Variants in SPIRE1 observed in about 807,000 individuals in gnomAD.
SPIRE1 encodes protein spire homolog 1.
A neutral mutation model predicts 94.1 loss-of-function variants in SPIRE1; 40 were observed. The observed-to-expected ratio is 0.43, with a 90% CI of 0.33 to 0.55. SPIRE1 has a LOEUF of 0.55. SPIRE1 is among the 20% of genes least tolerant of loss of function. The probability of loss-of-function intolerance (pLI) is 0.06; values close to 1 mark genes in which losing one functional copy is unlikely to be tolerated. For missense variants in SPIRE1, 838 were observed against 975.2 expected, an observed-to-expected ratio of 0.86 and a Z score of 1.87; for synonymous variants, 376 against 371.7, an observed-to-expected ratio of 1.01 and a Z score of -0.13.
chr18:12,490,075 C>T (rs1003908164), intron 8 of SPIRE1, among the ~76,000 whole-genome samples: 1 of 152,140 alleles, frequency 6.6e-6, no homozygotes, highest in African/African-American at 2.4e-5. Flanking sequence ...ACCAAAATCC[C>T]TTACTTTACA....
chr18:12,658,765 A>G, upstream of SPIRE1: 1 of 363,192 alleles, frequency 2.8e-6, no homozygotes, highest in South Asian at 2.0e-5. Context: ...CTCCACTCCC[A>G]TCTTCAGGGT....
At chr18:12,524,905 GGAGCTAAA>G (rs1432569433) in intron 4 of SPIRE1, among the ~76,000 whole-genome samples, 1 of 152,040 alleles carries the variant, frequency 6.6e-6, no homozygotes, top group African/African-American at 2.4e-5. Context: ...CTTGAGCCCA[GGAGCTAAA>G]GAGCTATGAT....
At chr18:12,657,073 G>T (rs2038561001) in intron 1 of SPIRE1, among the ~76,000 whole-genome samples, 1 of 152,260 alleles carries the variant, frequency 6.6e-6, no homozygotes, top group Admixed American at 6.5e-5. Context: ...TTCCGACAGC[G>T]GCACTGAGGA....
chr18:12,657,832 TC>T lies in SPIRE1; in HGVS notation c.34del (p.Glu12SerfsTer29). On this transcript the variant is annotated frameshift_variant, in exon 1 of 17. Transcript: ENST00000409402. LOFTEE classifies it high-confidence loss of function. ...AQAAGPAGGG[E>X]PRTEAVGGEG... ...GCCGCCCACTGCCTCAGTCCGCGGC[TC>T]CCCGCCGCCCGCCGGGCCAGCCGCC... 2 of 1,155,382 alleles carry T rather than the reference TC, an allele frequency of 1.7e-6. No individual in the cohort carries two copies. The highest frequency in any genetic ancestry group is 2.1e-6 in the Non-Finnish European group (2 of 942,554). The allele number at this position is 1,155,382 out of a possible 1,614,324, so 71.6% of individuals were successfully genotyped here.
intron 2 of SPIRE1, among the ~76,000 whole-genome samples, chr18:12,555,334 C>T (rs1430423140): frequency 6.6e-6 from 1 of 151,396 alleles, no homozygotes; most frequent in African/African-American, 2.4e-5. Flanking sequence ...TTTTTGGATA[C>T]TGAATACCTA....
chr18:12,594,315 A>G (rs1055034595), intron 2 of SPIRE1, among the ~76,000 whole-genome samples: 1 of 152,256 alleles, frequency 6.6e-6, no homozygotes, highest in African/African-American at 2.4e-5. Flanking sequence ...ATGAATAAAC[A>G]GCCTATTAAG....
intron 2 of SPIRE1, among the ~76,000 whole-genome samples, chr18:12,550,463 G>A (rs1161510701): frequency 6.6e-6 from 1 of 152,070 alleles, no homozygotes; most frequent in Non-Finnish European, 1.5e-5. Flanking sequence ...TGGTGTGATC[G>A]TGGCTCACTG....
In SPIRE1 at chr18:12,604,736, C is replaced by T. The variant is rs530331964; in HGVS notation, c.372+30326G>A. On this transcript the variant is annotated intron_variant, in intron 2 of 16. Coordinates refer to ENST00000409402, the MANE Select transcript of SPIRE1 (RefSeq NM_001128626.2). ...GAGGGAAGGGAAGGGTCAGAGTGAA[C>T]GTTTTTGGACATAAATCAGATCACA... Among the ~76,000 whole-genome samples, 620 of 152,234 alleles carry T rather than the reference C, an allele frequency of 4.1e-3. 5 individuals carry two copies. Among genetic ancestry groups the T allele is most frequent in the Non-Finnish European group, 7.3e-3 (499 of 68,000 alleles).
chr18:12,526,789 G>C (rs2034536159), intron 4 of SPIRE1, among the ~76,000 whole-genome samples: 1 of 151,774 alleles, frequency 6.6e-6, no homozygotes, highest in Non-Finnish European at 1.5e-5. Context: ...GGCTCACTGT[G>C]ACCTCTGTCT....
intron 2 of SPIRE1, among the ~76,000 whole-genome samples, chr18:12,564,979 A>C (rs2035780917): frequency 6.6e-6 from 1 of 152,186 alleles, no homozygotes; most frequent in Admixed American, 6.5e-5. Flanking sequence ...CAAAAGAAGA[A>C]AGAAAGAAAA....
Position 12,447,995 on chromosome 18 carries a change from T to G in SPIRE1, c.*1643A>C, listed in dbSNP as rs2143458580. On this transcript the variant is annotated 3_prime_UTR_variant, in exon 17 of 17. Coordinates refer to ENST00000409402, the MANE Select transcript of SPIRE1 (RefSeq NM_001128626.2). ...TATAAATGAGATTCACCCAGTACAA[T>G]TCTGAAAGCTCTTAAACAGGAGTCT... 1 of 152,290 alleles carries G rather than the reference T, an allele frequency of 6.6e-6. No homozygotes were observed. Among genetic ancestry groups the G allele is most frequent in the East Asian group, 1.9e-4 (1 of 5,176 alleles). The allele number at this position is 152,290 out of a possible 1,614,324, so 9.4% of individuals were successfully genotyped here. A position where few individuals can be genotyped will look rare whatever the true frequency, so the allele number is the denominator to read the frequency against.
At chr18:12,534,348 T>A (rs2034777880) in intron 4 of SPIRE1, among the ~76,000 whole-genome samples, 1 of 152,224 alleles carries the variant, frequency 6.6e-6, no homozygotes, top group Non-Finnish European at 1.5e-5. Context: ...GTGCTTCTGA[T>A]AAACCCTGTA....
intron 2 of SPIRE1, among the ~76,000 whole-genome samples, chr18:12,621,683 T>C (rs1266819725): frequency 2.0e-5 from 3 of 152,150 alleles, no homozygotes; most frequent in Non-Finnish European, 2.9e-5. Flanking sequence ...AGAAAGTAGA[T>C]TAGTGATTGC....
intron 10 of SPIRE1, among the ~76,000 whole-genome samples, chr18:12,478,474 CAT>C (rs1452556140): frequency 1.5e-4 from 21 of 138,938 alleles, no homozygotes; most frequent in South Asian, 4.7e-4. Flanking sequence ...TGCACGCACA[CAT>C]GTGTAGCTAG....
intron 6 of SPIRE1, among the ~76,000 whole-genome samples, chr18:12,497,432 T>C (rs1285659185): frequency 6.6e-6 from 1 of 152,122 alleles, no homozygotes; most frequent in East Asian, 1.9e-4. Flanking sequence ...TTTGACAAAA[T>C]AGAACCTCAA....
At chr18:12,532,697 T>C (rs2034718683) in intron 4 of SPIRE1, among the ~76,000 whole-genome samples, 1 of 152,220 alleles carries the variant, frequency 6.6e-6, no homozygotes. Context: ...GAGAAAAGGC[T>C]GAAACCATTT....
rs572732622 is a variant in SPIRE1, at chr18:12,654,609, C to T, written c.337+2921G>A. Among the ~76,000 whole-genome samples the T allele has an allele frequency of 1.9e-4, 28 of 148,180 alleles. No homozygotes were observed. The South Asian group carries it at 5.6e-3, about 30-fold the overall frequency. ...TTGCAAGCTTGCAGTGAGCTGAGAT[C>T]GCGCCACCACACTCCAGCCTGGGCG... On this transcript the variant is annotated intron_variant, in intron 1 of 16. Transcript: ENST00000409402.
chr18:12,640,231 C>T (rs943344541), intron 1 of SPIRE1, among the ~76,000 whole-genome samples: 3 of 152,076 alleles, frequency 2.0e-5, no homozygotes, highest in African/African-American at 7.2e-5. Flanking sequence ...CAAACTATAC[C>T]TACCAAAAAA....
chr18:12,557,591 C>T (rs2035553885), intron 2 of SPIRE1, among the ~76,000 whole-genome samples: 1 of 152,154 alleles, frequency 6.6e-6, no homozygotes, highest in Non-Finnish European at 1.5e-5. Context: ...GAGGGGCTCC[C>T]ACAGTGCAGT....
Sources: allele counts gnomAD v4.1 joint callset (sites outside exome capture counted in the v4.1 genomes callset), GRCh38; gene constraint gnomAD v4.1.1; transcripts MANE v1.5; gene names NCBI Gene and HGNC (gene_info 2026-07-23, HGNC 2026-07-21).